The following PLXDC2 variants were observed in gnomAD, a reference collection of about 807,000 sequenced individuals.
The protein encoded by PLXDC2 is plexin domain containing 2, also known as plexin domain-containing protein 2.
In PLXDC2, 40 loss-of-function variants were observed where a neutral mutation model predicts 68.9. That is an observed-to-expected ratio of 0.58 (90% CI 0.45 to 0.76). The LOEUF (loss-of-function observed/expected upper bound fraction) is 0.76. Ranked by LOEUF, PLXDC2 falls within the 30% of genes least tolerant of loss-of-function variation. PLXDC2 has a pLI of 0.00. For synonymous variants in PLXDC2, 243 were observed against 234.2 expected (o/e 1.04, Z -0.34); for missense variants, 644 against 661.9 (o/e 0.97, Z 0.30).
chr10:20,163,022 A>T (rs1458450510), intron 6 of PLXDC2, among the ~76,000 whole-genome samples: 1 of 151,982 alleles, frequency 6.6e-6, no homozygotes, highest in African/African-American at 2.4e-5. Flanking sequence ...CGGAGGTTGC[A>T]CTCCAGCCTG....
chr10:20,099,608 T>C (rs1833396143), intron 4 of PLXDC2, among the ~76,000 whole-genome samples: 1 of 152,150 alleles, frequency 6.6e-6, no homozygotes, highest in Non-Finnish European at 1.5e-5. Flanking sequence ...TAATAGTCCA[T>C]GAAGAGCAAA....
At chr10:20,133,891 T>C (rs557699123) in intron 4 of PLXDC2, among the ~76,000 whole-genome samples, 1 of 152,298 alleles carries the variant, frequency 6.6e-6, no homozygotes, top group Admixed American at 6.5e-5. Context: ...TTCTTTACTC[T>C]TTTAAAAATT....
At chr10:20,052,370 T>G (rs1835918763) in intron 3 of PLXDC2, among the ~76,000 whole-genome samples, 1 of 152,036 alleles carries the variant, frequency 6.6e-6, no homozygotes, top group South Asian at 2.1e-4. Context: ...TGTGACTTTC[T>G]GAGAATAAAA....
At chr10:20,081,889 T>TAA (rs1836565336) in intron 4 of PLXDC2, among the ~76,000 whole-genome samples, 1 of 150,924 alleles carries the variant, frequency 6.6e-6, no homozygotes, top group Admixed American at 6.6e-5. Context: ...AAAAAAATTT[T>TAA]AAAAAATTAG....
chr10:20,142,090 A>G (rs1351946817), intron 4 of PLXDC2, among the ~76,000 whole-genome samples: 1 of 152,134 alleles, frequency 6.6e-6, no homozygotes, highest in Non-Finnish European at 1.5e-5. Context: ...TAATTCTGCA[A>G]TAACTTACCT....
intron 1 of PLXDC2, among the ~76,000 whole-genome samples, chr10:19,992,993 C>T (rs901623539): frequency 2.6e-5 from 4 of 152,170 alleles, no homozygotes; most frequent in East Asian, 1.9e-4. Context: ...CCTAGCCTCA[C>T]GACTCGGCTC....
chr10:20,269,898 G>T (rs1318682191), intron 13 of PLXDC2, among the ~76,000 whole-genome samples: 2 of 151,994 alleles, frequency 1.3e-5, no homozygotes, highest in African/African-American at 4.8e-5. Flanking sequence ...CGTGCTTGTA[G>T]TCCCAGCTTC....
At chr10:20,139,275 C>T (rs981862681) in intron 4 of PLXDC2, among the ~76,000 whole-genome samples, 1 of 152,194 alleles carries the variant, frequency 6.6e-6, no homozygotes, top group East Asian at 1.9e-4. Flanking sequence ...GCCGTGTATT[C>T]GCTATTATTT....
At chr10:20,100,417 A>G (rs1833407553) in intron 4 of PLXDC2, among the ~76,000 whole-genome samples, 1 of 152,242 alleles carries the variant, frequency 6.6e-6, no homozygotes, top group Non-Finnish European at 1.5e-5. Flanking sequence ...AAAATCCATA[A>G]CATGGAAGTG....
chr10:20,088,668 C>A (rs1241328159), intron 4 of PLXDC2, among the ~76,000 whole-genome samples: 1 of 152,066 alleles, frequency 6.6e-6, no homozygotes, highest in Non-Finnish European at 1.5e-5. Flanking sequence ...AATAATATGG[C>A]CTTGGTTCAC....
intron 13 of PLXDC2, among the ~76,000 whole-genome samples, chr10:20,276,191 C>T (rs906916876): frequency 1.3e-5 from 2 of 152,104 alleles, no homozygotes; most frequent in Admixed American, 1.3e-4. Flanking sequence ...AAATCAGTCC[C>T]TTTTCTTTCA....
At chr10:20,235,453 C>A (rs72795924) in intron 12 of PLXDC2, among the ~76,000 whole-genome samples, 2 of 152,286 alleles carry the variant, frequency 1.3e-5, no homozygotes, top group Non-Finnish European at 2.9e-5. Flanking sequence ...ATTAATACAA[C>A]CATTCCATTG....
chr10:20,272,351 C>T (rs549268748), intron 13 of PLXDC2, among the ~76,000 whole-genome samples: 1 of 151,780 alleles, frequency 6.6e-6, no homozygotes, highest in African/African-American at 2.4e-5. Context: ...TGTCTTAGAC[C>T]AGGAGGACAG....
chr10:20,146,177 A>T (rs1488103937), intron 5 of PLXDC2, among the ~76,000 whole-genome samples: 1 of 152,170 alleles, frequency 6.6e-6, no homozygotes, highest in Non-Finnish European at 1.5e-5. Flanking sequence ...ACTAGAAAAT[A>T]AGGAATAGAC....
At chr10:19,884,701 C>A (rs1244777260) in intron 1 of PLXDC2, among the ~76,000 whole-genome samples, 5 of 152,180 alleles carry the variant, frequency 3.3e-5, no homozygotes, top group Admixed American at 2.0e-4. Flanking sequence ...TTTATGGCTG[C>A]ATAGTATTCC....
chr10:19,982,603 A>C (rs1226044295), intron 1 of PLXDC2, among the ~76,000 whole-genome samples: 4 of 152,232 alleles, frequency 2.6e-5, no homozygotes, highest in Non-Finnish European at 2.9e-5. Flanking sequence ...TCGTTTAAAA[A>C]TAGAAAACAT....
chr10:19,998,093 A>G (rs911379443), intron 1 of PLXDC2, among the ~76,000 whole-genome samples: 4 of 152,186 alleles, frequency 2.6e-5, no homozygotes, highest in African/African-American at 7.2e-5. Flanking sequence ...GAAAGCAAAC[A>G]ATCTGTTCAG....
chr10:20,278,693 C>G (rs1400884818), intron 13 of PLXDC2, among the ~76,000 whole-genome samples: 1 of 151,974 alleles, frequency 6.6e-6, no homozygotes, highest in Non-Finnish European at 1.5e-5. Context: ...CATTAACCAT[C>G]GACATTGGCA....
In PLXDC2 at chr10:20,126,200, TAC is replaced by T. The variant is rs199898332; in HGVS notation, c.542-17087_542-17086del. On this transcript the variant is annotated intron_variant, in intron 4 of 13. Transcript: ENST00000377252. ...ATATGTTATATAATACATATATGTATACACACACATATATGTTATATAATACA... is the reference window on the plus strand; with the variant it reads ...ATATGTTATATAATACATATATGTATACACACATATATGTTATATAATACA... 5.2e-3 allele frequency among the ~76,000 whole-genome samples: 762 copies of T among 146,012 alleles called. 4 individuals are homozygous for T. Among genetic ancestry groups the T allele is most frequent in the African/African-American group, 0.017 (671 of 39,462 alleles).
Sources: allele counts gnomAD v4.1 joint callset (sites outside exome capture counted in the v4.1 genomes callset), GRCh38; gene constraint gnomAD v4.1.1; transcripts MANE v1.5; gene names NCBI Gene and HGNC (gene_info 2026-07-23, HGNC 2026-07-21).